The following HSD17B12 variants were observed in gnomAD, a reference collection of about 807,000 sequenced individuals.
The protein encoded by HSD17B12 is hydroxysteroid 17-beta dehydrogenase 12, also known as very-long-chain 3-oxoacyl-CoA reductase.
Under a neutral mutation model 39.3 loss-of-function variants are expected in HSD17B12, and 32 were observed. The ratio of observed to expected loss-of-function variants is 0.81; its 90% CI spans 0.61 to 1.09. The LOEUF (loss-of-function observed/expected upper bound fraction) is 1.09, where lower values mean the gene tolerates loss of function less well. HSD17B12 is among the 50% of genes least tolerant of loss of function. HSD17B12 has a pLI of 0.00. For missense variants in HSD17B12, 342 were observed against 382.9 expected (o/e 0.89, Z 0.89); for synonymous variants, 150 against 146.7 (o/e 1.02, Z -0.16).
At chr11:43,813,829 TTAAA>T (rs1173655324) in intron 4 of HSD17B12, among the ~76,000 whole-genome samples, 1 of 152,226 alleles carries the variant, frequency 6.6e-6, no homozygotes, top group Admixed American at 6.5e-5. Flanking sequence ...TGAATCCTAA[TTAAA>T]TAAAGTTTGC....
At chr11:43,657,762 G>A in the HSD17B12 span, among the ~76,000 whole-genome samples, 7 of 152,318 alleles carry the variant, frequency 4.6e-5, no homozygotes, top group African/African-American at 9.6e-5. Flanking sequence ...AGTTTCTGCT[G>A]AGAGATCAGC....
the HSD17B12 span, among the ~76,000 whole-genome samples, chr11:43,660,961 C>A: frequency 6.6e-6 from 1 of 152,126 alleles, no homozygotes; most frequent in Non-Finnish European, 1.5e-5. Context: ...CCCGTCTCTA[C>A]TAAAAATACA....
intron 2 of HSD17B12, among the ~76,000 whole-genome samples, chr11:43,753,786 T>C (rs538890040): frequency 1.3e-5 from 2 of 152,192 alleles, no homozygotes; most frequent in South Asian, 4.1e-4. Context: ...ACCCAAATAG[T>C]ATAGATGATA....
the HSD17B12 span, chr11:43,569,353 G>C: frequency 1.1e-4 from 17 of 152,218 alleles, no homozygotes; most frequent in Admixed American, 1.1e-3. Flanking sequence ...TTTCTGCAGT[G>C]TCTCCTGAGC....
intron 3 of HSD17B12, among the ~76,000 whole-genome samples, chr11:43,793,117 A>G (rs1565091649): frequency 6.6e-6 from 1 of 152,202 alleles, no homozygotes; most frequent in Non-Finnish European, 1.5e-5. Context: ...AGGGTTATAT[A>G]GAAGGTTTCT....
At chr11:43,691,303 TC>T (rs1949860413) in intron 1 of HSD17B12, among the ~76,000 whole-genome samples, 1 of 152,202 alleles carries the variant, frequency 6.6e-6, no homozygotes, top group Non-Finnish European at 1.5e-5. Context: ...TCTCAGATTT[TC>T]ACCAGCAGCC....
At chr11:43,820,054 C>T (rs1179303773) in intron 6 of HSD17B12, among the ~76,000 whole-genome samples, 8 of 152,138 alleles carry the variant, frequency 5.3e-5, no homozygotes, top group African/African-American at 4.8e-5. Flanking sequence ...GTTAACATTG[C>T]TTCTGATCAC....
the HSD17B12 span, among the ~76,000 whole-genome samples, chr11:43,605,501 C>T: frequency 1.4e-5 from 2 of 147,312 alleles, no homozygotes; most frequent in Non-Finnish European, 3.0e-5. Context: ...GCGGAGGTTG[C>T]GGTGAGCCAA....
chr11:43,698,854 G>A (rs144194657), intron 1 of HSD17B12, among the ~76,000 whole-genome samples: 1 of 152,110 alleles, frequency 6.6e-6, no homozygotes. Context: ...TTATTTTGGG[G>A]TCTGTTGCAA....
At chr11:43,843,022 T>C (rs1208774129) in intron 9 of HSD17B12, among the ~76,000 whole-genome samples, 1 of 152,254 alleles carries the variant, frequency 6.6e-6, no homozygotes, top group African/African-American at 2.4e-5. Flanking sequence ...AGCATTTGTC[T>C]TCTGAAATAT....
intron 9 of HSD17B12, among the ~76,000 whole-genome samples, chr11:43,851,869 C>T (rs1411672615): frequency 6.6e-6 from 1 of 152,140 alleles, no homozygotes; most frequent in Non-Finnish European, 1.5e-5. Context: ...CACACATTTC[C>T]AACATTTGAA....
chr11:43,710,393 T>C (rs1038516473), intron 1 of HSD17B12, among the ~76,000 whole-genome samples: 4 of 152,198 alleles, frequency 2.6e-5, no homozygotes, highest in Non-Finnish European at 5.9e-5. Flanking sequence ...TTCAAAATGA[T>C]AGTATCTTTT....
At chr11:43,840,752 A>T (rs1951417784) in intron 9 of HSD17B12, among the ~76,000 whole-genome samples, 1 of 152,130 alleles carries the variant, frequency 6.6e-6, no homozygotes, top group South Asian at 2.1e-4. Context: ...TATAGACCAC[A>T]TTTTGCTTAT....
chr11:43,832,768 G>A (rs1447011394), intron 7 of HSD17B12, among the ~76,000 whole-genome samples: 2 of 152,074 alleles, frequency 1.3e-5, no homozygotes, highest in African/African-American at 4.8e-5. Flanking sequence ...AGTGGTTCAC[G>A]CCTATAATCC....
the HSD17B12 span, among the ~76,000 whole-genome samples, chr11:43,562,535 T>C: frequency 6.6e-6 from 1 of 152,250 alleles, no homozygotes; most frequent in African/African-American, 2.4e-5. Flanking sequence ...ACATACCAAA[T>C]GTCTATCACT....
the HSD17B12 span, among the ~76,000 whole-genome samples, chr11:43,617,608 A>G: frequency 1.3e-5 from 2 of 152,120 alleles, no homozygotes; most frequent in Non-Finnish European, 2.9e-5. Flanking sequence ...AAACTACTCA[A>G]TTCAGTAGCT....
At chr11:43,571,174 T>C in the HSD17B12 span, among the ~76,000 whole-genome samples, 12 of 152,348 alleles carry the variant, frequency 7.9e-5, no homozygotes, top group South Asian at 1.9e-3. Flanking sequence ...ACCCATGAAT[T>C]TGTGATTGAG....
intron 6 of HSD17B12, 59 bp from the exon 7 acceptor site, chr11:43,830,917 C>T: frequency 1.4e-6 from 2 of 1,443,412 alleles, no homozygotes; most frequent in Middle Eastern, 1.8e-4. Flanking sequence ...GTTTTCTTCA[C>T]TCTTTTTCTG....
At chr11:43,587,523 T>C in the HSD17B12 span, among the ~76,000 whole-genome samples, 5 of 152,212 alleles carry the variant, frequency 3.3e-5, no homozygotes, top group Admixed American at 6.5e-5. Flanking sequence ...ATTTTTATTG[T>C]GATTTTGGTC....
Sources: gnomAD v4.1 joint callset for allele counts (sites outside exome capture counted in the v4.1 genomes callset) on GRCh38, gnomAD v4.1.1 for gene constraint, MANE v1.5 for transcripts, NCBI Gene and HGNC (gene_info 2026-07-23, HGNC 2026-07-21) for gene names.